Variants in SLC35D4 observed in about 807,000 individuals in gnomAD.
The protein encoded by SLC35D4 is UDP-N-acetylglucosamine transporter SLC35D4.
chr18:23,245,247 C>T, the SLC35D4 span, among the ~76,000 whole-genome samples: 1 of 152,296 alleles, frequency 6.6e-6, no homozygotes, highest in African/African-American at 2.4e-5. Flanking sequence ...GTGCCTCATG[C>T]CTGTAACCCC....
At chr18:23,319,474 G>A in the SLC35D4 span, among the ~76,000 whole-genome samples, 15 of 151,468 alleles carry the variant, frequency 9.9e-5, no homozygotes, top group African/African-American at 2.4e-4. Flanking sequence ...ATGGAGTTTC[G>A]CTCTCGTTGC....
chr18:23,300,760 G>A, the SLC35D4 span, among the ~76,000 whole-genome samples: 1 of 152,200 alleles, frequency 6.6e-6, no homozygotes, highest in South Asian at 2.1e-4. Flanking sequence ...TTCCTGAAAT[G>A]AACAAACTTC....
the SLC35D4 span, chr18:23,377,551 C>A: frequency 8.3e-7 from 1 of 1,200,012 alleles, no homozygotes. Context: ...CTTCTGCCAC[C>A]TCTTAGAGTA....
At chr18:23,268,414 G>A in the SLC35D4 span, among the ~76,000 whole-genome samples, 5 of 152,288 alleles carry the variant, frequency 3.3e-5, no homozygotes, top group South Asian at 1.0e-3. Flanking sequence ...AGTAGGGCTA[G>A]CTGAAGCAGA....
chr18:23,357,199 T>G, the SLC35D4 span, among the ~76,000 whole-genome samples: 1 of 151,842 alleles, frequency 6.6e-6, no homozygotes, highest in Non-Finnish European at 1.5e-5. Flanking sequence ...GCCCTGACAT[T>G]TTTTTTTTCA....
the SLC35D4 span, chr18:23,253,912 A>G: frequency 6.2e-7 from 1 of 1,614,028 alleles, no homozygotes; most frequent in African/African-American, 1.3e-5. Flanking sequence ...ACCTCAAAAA[A>G]CACGAAGTCA....
chr18:23,256,193 C>T, the SLC35D4 span, among the ~76,000 whole-genome samples: 6 of 152,358 alleles, frequency 3.9e-5, no homozygotes, highest in African/African-American at 9.6e-5. Context: ...GCTGGGTTGA[C>T]GCCAAGGCAG....
At chr18:23,409,959 C>T in the SLC35D4 span, among the ~76,000 whole-genome samples, 1 of 151,792 alleles carries the variant, frequency 6.6e-6, no homozygotes, top group East Asian at 1.9e-4. Context: ...GTAGCATTTA[C>T]GTTGTAATCT....
At chr18:23,254,451 T>A in the SLC35D4 span, among the ~76,000 whole-genome samples, 1 of 152,342 alleles carries the variant, frequency 6.6e-6, no homozygotes, top group East Asian at 1.9e-4. Context: ...TAGAATTCAA[T>A]ATATTAATAG....
the SLC35D4 span, chr18:23,309,569 G>T: frequency 1.1e-6 from 1 of 885,258 alleles, no homozygotes; most frequent in Non-Finnish European, 1.9e-6. Flanking sequence ...TTTGGATGGA[G>T]ATACACAGCC....
the SLC35D4 span, among the ~76,000 whole-genome samples, chr18:23,382,749 G>C: frequency 9.2e-3 from 1,407 of 152,354 alleles, 21 homozygotes; most frequent in African/African-American, 0.032. Context: ...ACTGCACAGA[G>C]ATCAGCCCAA....
chr18:23,257,930 C>G, the SLC35D4 span: 2 of 152,260 alleles, frequency 1.3e-5, no homozygotes, highest in African/African-American at 2.4e-5. Context: ...CAGAGCCAGT[C>G]CCGCCCTTTA....
chr18:23,261,786 A>G, the SLC35D4 span, among the ~76,000 whole-genome samples: 1 of 152,246 alleles, frequency 6.6e-6, no homozygotes, highest in Non-Finnish European at 1.5e-5. Flanking sequence ...AGCATCTCCA[A>G]GGGGTATCAT....
At chr18:23,258,997 GT>G in the SLC35D4 span, 13,466 of 150,388 alleles carry the variant, frequency 0.09, 678 homozygotes, top group East Asian at 0.17. Flanking sequence ...GATTTGGGTG[GT>G]GGGGGGAGGG....
the SLC35D4 span, among the ~76,000 whole-genome samples, chr18:23,324,513 C>T: frequency 1.3e-5 from 2 of 152,124 alleles, no homozygotes; most frequent in South Asian, 4.1e-4. Context: ...GAAGTTGAGG[C>T]CAAATTACGT....
chr18:23,364,506 C>G, the SLC35D4 span, among the ~76,000 whole-genome samples: 2 of 152,164 alleles, frequency 1.3e-5, no homozygotes, highest in Non-Finnish European at 2.9e-5. Flanking sequence ...GCATCAATTT[C>G]AAAGCCTTTC....
the SLC35D4 span, among the ~76,000 whole-genome samples, chr18:23,291,369 A>G: frequency 2.6e-5 from 4 of 152,194 alleles, no homozygotes; most frequent in African/African-American, 7.2e-5. Flanking sequence ...TCTATTTTCT[A>G]TTGTTGCATA....
the SLC35D4 span, chr18:23,254,017 C>T: frequency 8.3e-7 from 1 of 1,202,604 alleles, no homozygotes; most frequent in Non-Finnish European, 1.2e-6. Flanking sequence ...CGGTCAGTGA[C>T]CCTGCCTGGA....
At chr18:23,385,158 G>A in the SLC35D4 span, 8 of 1,309,582 alleles carry the variant, frequency 6.1e-6, no homozygotes, top group East Asian at 7.6e-5. Flanking sequence ...ATAAAGAGCT[G>A]TGGAAACTTT....
Sources: gnomAD v4.1 joint callset for allele counts (sites outside exome capture counted in the v4.1 genomes callset) on GRCh38, gnomAD v4.1.1 for gene constraint, MANE v1.5 for transcripts, NCBI Gene and HGNC (gene_info 2026-07-23, HGNC 2026-07-21) for gene names.